Variants in HTT observed in about 807,000 individuals in gnomAD.
HTT encodes huntingtin, also known as huntington disease protein.
Under a neutral mutation model 362.3 loss-of-function variants are expected in HTT, and 104 were observed. That is an observed-to-expected ratio of 0.29 (90% confidence interval 0.24 to 0.34). The LOEUF (loss-of-function observed/expected upper bound fraction) is 0.34, where lower values mean the gene tolerates loss of function less well. HTT is among the 10% of genes least tolerant of loss of function. HTT has a pLI of 1.00. For synonymous variants in HTT, 1,577 were observed against 1,548.7 expected (o/e 1.02, Z -0.43); for missense variants, 3,301 against 3,928.6 (o/e 0.84, Z 4.27).
rs1054239522 is a variant in HTT, at chr4:3,228,853, A to G, written c.7980-27A>G. 1 of 1,600,046 alleles carries G rather than the reference A, an allele frequency of 6.2e-7. No individual in the cohort carries two copies. Among genetic ancestry groups the G allele is most frequent in the Non-Finnish European group, 8.6e-7 (1 of 1,168,346 alleles). The stretch of plus-strand genomic sequence containing the variant: ...TGAGCCTCTCATCTCATGTACTTGG[A>G]AAATACCCATCTCGCATATTCCACA... On this transcript the variant is annotated intron_variant, in intron 58 of 66. Transcript: ENST00000355072. The surrounding 1 kb of genome is among the most constrained non-coding windows in gnomAD (Gnocchi z 4.3).
At chr4:3,238,766 T>C in intron 65 of HTT, 52 bp from the exon 66 acceptor site, 1 of 985,136 alleles carries the variant, frequency 1.0e-6, no homozygotes, top group Non-Finnish European at 1.4e-6. Context: ...GCGCAGCAGG[T>C]GCTTCCCGTC....
intron 60 of HTT, among the ~76,000 whole-genome samples, chr4:3,232,330 CAA>C (rs1269217691): frequency 5.3e-5 from 8 of 152,348 alleles, no homozygotes; most frequent in South Asian, 2.1e-4. Context: ...TCCACAAAAA[CAA>C]GAGGCCGCCT....
rs868222958 is a variant in HTT at position 3,225,530 on chromosome 4, C to T, written c.7766-131C>T. 1.8e-4 allele frequency: 126 copies of T among 700,752 alleles called. No individual in the cohort carries two copies. In the Middle Eastern group the frequency reaches 3.5e-3, roughly 20 times the overall value. 43.4% of individuals were successfully genotyped at this position (700,752 alleles called of 1,614,324 possible). On this transcript the variant is annotated intron_variant, in intron 56 of 66. Coordinates refer to ENST00000355072, the MANE Select transcript of HTT (RefSeq NM_001388492.1). Reference sequence around the variant, plus strand: ...CAGGGCTCTGCACAACCTGGGCCCTCCTGCCAGTGGCGGCGAGGGCAGGTG... The same window carrying T: ...CAGGGCTCTGCACAACCTGGGCCCTTCTGCCAGTGGCGGCGAGGGCAGGTG...
intron 2 of HTT, among the ~76,000 whole-genome samples, chr4:3,092,727 TA>T (rs769244278): frequency 6.6e-6 from 1 of 152,218 alleles, no homozygotes; most frequent in Admixed American, 6.5e-5. Context: ...AACAATGTGT[TA>T]AAAAATTCAG....
intron 26 of HTT, among the ~76,000 whole-genome samples, chr4:3,149,899 G>A (rs575107553): frequency 3.9e-4 from 60 of 152,320 alleles, no homozygotes; most frequent in African/African-American, 1.4e-3. Flanking sequence ...ACACTCCATA[G>A]CAGCGTTTCC....
At position 3,215,169 on chromosome 4, in the gene HTT, G is replaced by A; in HGVS notation, c.7012G>A (p.Ala2338Thr). 2 of 1,614,132 alleles carry A rather than the reference G, an allele frequency of 1.2e-6. No homozygotes were observed. The highest frequency in any genetic ancestry group is 1.7e-6 in the Non-Finnish European group (2 of 1,180,014). The change falls in exon 51 of 67, where the codon GCC (alanine) becomes ACC (threonine). Residue 2338 changes from alanine (A) to threonine (T), a missense_variant. This residue lies in a region of HTT where 220 missense variants were observed against 218.5 expected (regional missense o/e 1.01). Coordinates refer to ENST00000355072, the MANE Select transcript of HTT (RefSeq NM_001388492.1). ...AGAAAGAAGGACAAATACCCCAAAA[G>A]CCATCAGCGAGGAGGAGGAGGAAGT... ...SPERRTNTPK[A>T]ISEEEEEVDP...
Position 3,243,696 on chromosome 4 carries a change from G to C in HTT, c.*3637G>C, listed in dbSNP as rs566547209. 82 of 152,396 alleles carry C rather than the reference G, an allele frequency of 5.4e-4. No homozygotes were observed. Among genetic ancestry groups the C allele is most frequent in the Middle Eastern group, 3.4e-3 (1 of 294 alleles). 9.4% of individuals were successfully genotyped at this position (152,396 alleles called of 1,614,324 possible). A position where few individuals can be genotyped will look rare whatever the true frequency, so the allele number is the denominator to read the frequency against. Reference sequence around the variant, plus strand: ...AGCCTTGGAGGATCGTGGCCAACGTGGACCTGCCTACGGAGGGTGGGCTCT... The same window carrying C: ...AGCCTTGGAGGATCGTGGCCAACGTCGACCTGCCTACGGAGGGTGGGCTCT... On this transcript the variant is annotated 3_prime_UTR_variant, in exon 67 of 67. Coordinates refer to ENST00000355072, the MANE Select transcript of HTT (RefSeq NM_001388492.1).
intron 8 of HTT, 29 bp from the exon 9 acceptor site, chr4:3,121,199 C>T: frequency 6.4e-7 from 1 of 1,561,080 alleles, no homozygotes; most frequent in African/African-American, 1.4e-5. Context: ...TAAACTCTGA[C>T]CAGAACACCT....
chr4:3,140,412 C>A, intron 21 of HTT, 98 bp from the exon 22 acceptor site: 1 of 997,732 alleles, frequency 1.0e-6, no homozygotes, highest in Non-Finnish European at 1.5e-6. Context: ...CGCTGGTAAC[C>A]AGAGGTGTTG....
chr4:3,122,842 G>C, intron 9 of HTT, 47 bp from the exon 10 acceptor site: 1 of 1,490,918 alleles, frequency 6.7e-7, no homozygotes, highest in Non-Finnish European at 9.2e-7. Flanking sequence ...ATTTCTTCTA[G>C]ATTTTATCAG....
intron 57 of HTT, among the ~76,000 whole-genome samples, chr4:3,226,644 T>G (rs1720932425): frequency 6.6e-6 from 1 of 152,246 alleles, no homozygotes; most frequent in African/African-American, 2.4e-5. Context: ...TGAAAGCAGT[T>G]GTGCAGGACA....
Position 3,107,326 on chromosome 4 carries a change from G to C in HTT, c.650G>C (p.Ser217Thr), listed in dbSNP as rs567202171. 2 of 1,614,246 alleles carry C rather than the reference G, an allele frequency of 1.2e-6. No individual in the cohort carries two copies. Among genetic ancestry groups the C allele is most frequent in the Admixed American group, 3.3e-5 (2 of 60,030 alleles). ...CTTCTGCCGTGCCTGACTCGAACAAGCAAGAGACCCGAAGAATCAGTCCAG... is the reference window on the plus strand; with the variant it reads ...CTTCTGCCGTGCCTGACTCGAACAACCAAGAGACCCGAAGAATCAGTCCAG... ...VNLLPCLTRT[S>T]KRPEESVQET... Residue 217 changes from serine to threonine, a missense_variant, in exon 6 of 67, where the codon AGC becomes ACC. Coordinates refer to ENST00000355072, the MANE Select transcript of HTT (RefSeq NM_001388492.1).
intron 8 of HTT, among the ~76,000 whole-genome samples, chr4:3,117,071 G>A (rs1578511900): frequency 6.6e-6 from 1 of 152,186 alleles, no homozygotes; most frequent in Non-Finnish European, 1.5e-5. Context: ...AAAATGCTTA[G>A]AATGCTTCCT....
rs780472484 is a variant in HTT at position 3,214,082 on chromosome 4, T to C, written c.6899T>C (p.Phe2300Ser). Residue 2300 changes from phenylalanine to serine, a missense_variant, in exon 50 of 67, where the codon TTT becomes TCT. By Grantham distance (155) the Phe-to-Ser change is radical. This residue lies in a region of HTT where 220 missense variants were observed against 218.5 expected (regional missense o/e 1.01). Coordinates refer to ENST00000355072, the MANE Select transcript of HTT (RefSeq NM_001388492.1). ...TGGAGCGTGGTCTCCTCCACAGAGT[T>C]TGTGACCCACGCCTGCTCCCTCATC... Reference protein sequence around the residue: ...GLWSVVSSTEFVTHACSLIYC... With the variant: ...GLWSVVSSTESVTHACSLIYC... 6.2e-7 allele frequency: 1 copy of C among 1,602,448 alleles called. No homozygotes were observed. The highest frequency in any genetic ancestry group is 2.3e-5 in the East Asian group (1 of 43,990).
intron 9 of HTT, chr4:3,121,861 CAAAAT>C (rs1715313355): frequency 6.5e-6 from 1 of 153,384 alleles, no homozygotes; most frequent in Non-Finnish European, 1.4e-5. Context: ...GATGCTGTCT[CAAAAT>C]AAATTTAAAA....
intron 1 of HTT, among the ~76,000 whole-genome samples, chr4:3,079,065 T>C (rs968327802): frequency 6.6e-6 from 1 of 151,542 alleles, no homozygotes; most frequent in African/African-American, 2.4e-5. Flanking sequence ...CTGGGTAATT[T>C]TTGTATTTTT....
chr4:3,239,705 G>A (rs1442075828), intron 66 of HTT, 141 bp from the exon 67 acceptor site: 1 of 644,442 alleles, frequency 1.6e-6, no homozygotes, highest in Middle Eastern at 4.2e-4. Flanking sequence ...GAGGCATCCA[G>A]GTGGCCCTTC....
At position 3,115,401 on chromosome 4, in the gene HTT, G is replaced by C; in HGVS notation, c.845G>C (p.Arg282Thr). ...GSAVSICQHSRRTQYFYSWLL... is the reference protein window; with the variant it reads ...GSAVSICQHSTRTQYFYSWLL... ...GCAGTGAGCATCTGCCAGCACTCAA[G>C]AAGGACACAATATTTCTATAGTTGG... Residue 282 changes from arginine to threonine, a missense_variant, in exon 7 of 67, where the codon AGA becomes ACA. Physicochemically the swap from Arg to Thr is moderately conservative, Grantham distance 71. Around this residue, in one of 4 missense-constraint regions of HTT, gnomAD observed 2,316 missense variants for 2,658.5 expected, o/e 0.87. Transcript: ENST00000355072. The C allele has an allele frequency of 1.2e-6, 2 of 1,614,008 alleles. No homozygotes were observed. The highest frequency in any genetic ancestry group is 1.7e-6 in the Non-Finnish European group (2 of 1,179,856).
At chr4:3,116,594 T>C (rs919446045) in intron 8 of HTT, among the ~76,000 whole-genome samples, 3 of 152,216 alleles carry the variant, frequency 2.0e-5, no homozygotes, top group African/African-American at 7.2e-5. Context: ...TGCTAGGCTC[T>C]GGGATAGGGG....
Sources: allele counts gnomAD v4.1 joint callset (sites outside exome capture counted in the v4.1 genomes callset), GRCh38; gene constraint gnomAD v4.1.1; regional missense constraint gnomAD v4.1.1; non-coding constraint Gnocchi (gnomAD v3.1); transcripts MANE v1.5; gene names NCBI Gene and HGNC (gene_info 2026-07-23, HGNC 2026-07-21).